COX7A2L: variants seen among roughly 807,000 people sequenced by gnomAD.
COX7A2L encodes the protein cytochrome c oxidase subunit 7A2-like, mitochondrial.
Under a neutral mutation model 14.2 loss-of-function variants are expected in COX7A2L, and 18 were observed. The observed-to-expected ratio is 1.27, with a 90% CI of 0.88 to 1.88. The LOEUF (loss-of-function observed/expected upper bound fraction) is 1.88, where lower values mean the gene tolerates loss of function less well. COX7A2L is among the 40% of genes most tolerant of loss of function. The pLI, the probability that COX7A2L is intolerant of heterozygous loss-of-function variation, is 0.00. For synonymous variants in COX7A2L, 65 were observed against 57.4 expected (o/e 1.13, Z -0.60); for missense variants, 179 against 138.8 (o/e 1.29, Z -1.46).
chr2:42,360,357 C>T (rs1046612494), intron 1 of COX7A2L, among the ~76,000 whole-genome samples: 6 of 152,280 alleles, frequency 3.9e-5, no homozygotes, highest in Non-Finnish European at 5.9e-5. Flanking sequence ...TGGCCAAGGT[C>T]ACACAATTAA....
upstream of COX7A2L, among the ~76,000 whole-genome samples, chr2:42,363,882 C>A (rs1671107665): frequency 6.6e-6 from 1 of 152,220 alleles, no homozygotes; most frequent in Non-Finnish European, 1.5e-5. Flanking sequence ...CCTGGTGAAT[C>A]TGAATGCCGC....
At chr2:42,361,420 T>C (rs752385712), upstream of COX7A2L, 15 of 427,676 alleles carry the variant, frequency 3.5e-5, no homozygotes, top group Admixed American at 1.8e-4. Flanking sequence ...GTAGGAAATA[T>C]GAAGTTCCCT....
downstream of COX7A2L, among the ~76,000 whole-genome samples, chr2:42,345,776 T>C (rs1328194839): frequency 1.3e-5 from 2 of 152,204 alleles, no homozygotes; most frequent in African/African-American, 2.4e-5. Context: ...CCCGGGGTCA[T>C]GTGAACCCAG....
At chr2:42,343,068 G>A (rs1398128470) in intron 2 of COX7A2L, among the ~76,000 whole-genome samples, 1 of 152,138 alleles carries the variant, frequency 6.6e-6, no homozygotes, top group Non-Finnish European at 1.5e-5. Context: ...TCTCGTTCAC[G>A]TCATGAGAGC....
rs1349366761 is a variant in COX7A2L at position 42,351,019 on chromosome 2, AC to A, written c.*199del. ...ACAGAGCAAAGCACCATTTCTTTAA[AC>A]AATGGCTTTAACTGTCGAATGAGCT... On this transcript the variant is annotated 3_prime_UTR_variant, in exon 3 of 3. Coordinates refer to ENST00000234301, the MANE Select transcript of COX7A2L (RefSeq NM_004718.4). 1.9e-6 allele frequency: 1 copy of A among 534,510 alleles called. No homozygotes were observed. Among genetic ancestry groups the A allele is most frequent in the Non-Finnish European group, 3.2e-6 (1 of 316,266 alleles). 33.1% of individuals were successfully genotyped at this position (534,510 alleles called of 1,614,324 possible).
intron 2 of COX7A2L, among the ~76,000 whole-genome samples, chr2:42,336,987 T>C (rs1670291122): frequency 6.6e-6 from 1 of 152,208 alleles, no homozygotes. Context: ...AGAAAGGTTG[T>C]AAAAACAAAC....
upstream of COX7A2L, among the ~76,000 whole-genome samples, chr2:42,363,359 G>T (rs1327678124): frequency 6.6e-6 from 1 of 152,178 alleles, no homozygotes; most frequent in Non-Finnish European, 1.5e-5. Context: ...AATGATTTGG[G>T]ACAGCTACTG....
upstream of COX7A2L, chr2:42,361,661 G>C (rs1315863401): frequency 6.5e-6 from 1 of 153,402 alleles, no homozygotes; most frequent in Non-Finnish European, 1.5e-5. Context: ...CCATCCGAGA[G>C]AGTCTGTGCT....
intron 1 of COX7A2L, chr2:42,360,854 A>T: frequency 1.7e-6 from 1 of 574,998 alleles, no homozygotes; most frequent in Non-Finnish European, 3.1e-6. Context: ...TGACCCCTGC[A>T]GTGAGCCAGA....
chr2:42,352,985 T>G (rs1408245587), intron 2 of COX7A2L: 8 of 579,160 alleles, frequency 1.4e-5, no homozygotes, highest in South Asian at 2.5e-5. Flanking sequence ...TTCAAAACCC[T>G]CACACCCTTA....
intron 2 of COX7A2L, 46 bp downstream of exon 2, chr2:42,353,166 C>T: frequency 6.3e-7 from 1 of 1,592,776 alleles, no homozygotes; most frequent in South Asian, 1.2e-5. Context: ...ATTTTTTAAG[C>T]CTATTTATTT....
rs1401039143 is a variant in COX7A2L, at chr2:42,350,845, T to G, written c.*374A>C. 1 of 158,636 alleles carries G rather than the reference T, an allele frequency of 6.3e-6. No homozygotes were observed. The highest frequency in any genetic ancestry group is 2.4e-5 in the African/African-American group (1 of 41,658). 9.8% of individuals were successfully genotyped at this position (158,636 alleles called of 1,614,324 possible). ...ACATGACCTTGGCTTCTGTGTTCTTTCCATAGCCACATCCAAATCCAGAAA... is the reference window on the plus strand; with the variant it reads ...ACATGACCTTGGCTTCTGTGTTCTTGCCATAGCCACATCCAAATCCAGAAA... On this transcript the variant is annotated 3_prime_UTR_variant, in exon 3 of 3. Coordinates refer to ENST00000234301, the MANE Select transcript of COX7A2L (RefSeq NM_004718.4).
chr2:42,350,162 A>T lies in COX7A2L; in HGVS notation c.*1057T>A, dbSNP rs577428924. The stretch of plus-strand genomic sequence containing the variant: ...AGAGGTCACTGTTCTGTGCTATGGT[A>T]AGATACAAACTATTCCTTCATATAT... On this transcript the variant is annotated 3_prime_UTR_variant, in exon 3 of 3. Coordinates refer to ENST00000234301, the MANE Select transcript of COX7A2L (RefSeq NM_004718.4). 1 of 152,320 alleles carries T rather than the reference A, an allele frequency of 6.6e-6. No homozygotes were observed. The highest frequency in any genetic ancestry group is 2.4e-5 in the African/African-American group (1 of 41,568). 9.4% of individuals were successfully genotyped at this position (152,320 alleles called of 1,614,324 possible). A position where few individuals can be genotyped will look rare whatever the true frequency, so the allele number is the denominator to read the frequency against.
chr2:42,360,996 C>A (rs773075232), intron 1 of COX7A2L, 94 bp downstream of exon 1: 2 of 1,356,342 alleles, frequency 1.5e-6, no homozygotes, highest in African/African-American at 1.4e-5. Flanking sequence ...CGACCGCGGG[C>A]AGAAGCCTCC....
intron 1 of COX7A2L, among the ~76,000 whole-genome samples, chr2:42,357,032 C>T (rs755013888): frequency 7.7e-4 from 118 of 152,318 alleles, no homozygotes; most frequent in Non-Finnish European, 1.2e-3. Context: ...AAATTAATTA[C>T]GAGCCATTCA....
upstream of COX7A2L, among the ~76,000 whole-genome samples, chr2:42,363,390 G>A (rs908045352): frequency 1.3e-5 from 2 of 152,118 alleles, no homozygotes; most frequent in South Asian, 2.1e-4. Flanking sequence ...ACTGACTTCT[G>A]GACATATTTT....
chr2:42,361,651 C>G (rs960069741), upstream of COX7A2L: 2 of 153,848 alleles, frequency 1.3e-5, no homozygotes, highest in African/African-American at 4.8e-5. Context: ...GGGAATTCCA[C>G]CATCCGAGAG....
chr2:42,367,628 G>A (rs1238861283), intron 1 of COX7A2L, among the ~76,000 whole-genome samples: 1 of 152,276 alleles, frequency 6.6e-6, no homozygotes, highest in South Asian at 2.1e-4. Context: ...AAGTCAAGGG[G>A]CACTGGCCCT....
chr2:42,342,059 C>A lies in COX7A2L; in HGVS notation c.193-8190G>T, dbSNP rs775814306. Reference sequence around the variant, plus strand: ...GGGTTAAAGCCCTCCCAGGTATGAACTGATTCTAGAGCATCTGACCTTCCC... The same window carrying A: ...GGGTTAAAGCCCTCCCAGGTATGAAATGATTCTAGAGCATCTGACCTTCCC... On this transcript the variant is annotated intron_variant, in intron 2 of 2. Transcript: ENST00000468711. The surrounding 1 kb of genome is among the most constrained non-coding windows in gnomAD (Gnocchi z 4.9). Among the ~76,000 whole-genome samples, 1 of 152,180 alleles carries A rather than the reference C, an allele frequency of 6.6e-6. No individual in the cohort carries two copies. Among genetic ancestry groups the A allele is most frequent in the African/African-American group, 2.4e-5 (1 of 41,446 alleles).
Sources: allele counts gnomAD v4.1 joint callset (sites outside exome capture counted in the v4.1 genomes callset), GRCh38; gene constraint gnomAD v4.1.1; non-coding constraint Gnocchi (gnomAD v3.1); transcripts MANE v1.5; gene names NCBI Gene and HGNC (gene_info 2026-07-23, HGNC 2026-07-21).